ABCA9: variants seen among roughly 807,000 people sequenced by gnomAD.
ABCA9 encodes the protein ATP binding cassette subfamily A member 9.
A neutral mutation model predicts 205.3 loss-of-function variants in ABCA9; 183 were observed. The observed-to-expected ratio is 0.89, with a 90% CI of 0.79 to 1.01. ABCA9 has a LOEUF of 1.01. Ranked by LOEUF, ABCA9 falls within the 50% of genes least tolerant of loss-of-function variation. The probability of loss-of-function intolerance (pLI) is 0.00; values close to 1 mark genes in which losing one functional copy is unlikely to be tolerated. For missense variants in ABCA9, 1,805 were observed against 1,912.4 expected, an observed-to-expected ratio of 0.94 and a Z score of 1.05; for synonymous variants, 651 against 683.3, an observed-to-expected ratio of 0.95 and a Z score of 0.74.
intron 8 of ABCA9, 137 bp from the exon 9 acceptor site, chr17:69,034,010 T>A: frequency 6.0e-6 from 4 of 663,812 alleles, no homozygotes; most frequent in Non-Finnish European, 7.4e-6. Context: ...TGTCTACTAT[T>A]ATAGAAGACA....
rs1169668374 is a variant in ABCA9 at position 68,975,946 on chromosome 17, T to C, written c.4844A>G (p.Lys1615Arg). 1.2e-6 allele frequency: 2 copies of C among 1,613,376 alleles called. No individual in the cohort carries two copies. Among genetic ancestry groups the C allele is most frequent in the African/African-American group, 1.3e-5 (1 of 74,920 alleles). ...DLEEDFDPSV[K>R]WKLLLQEEP is the part of the protein sequence containing the mutation. ...CTCTTCCTGCAGGAGGAGTTTCCAC[T>C]TCACCGAGGGATCAAAGTCCTCTTC... is the stretch of plus-strand genomic sequence containing the variant. Residue 1615 changes from lysine to arginine, a missense_variant, in exon 39 of 39, where the codon AAG (lysine) becomes AGG (arginine). Lys to Arg is a conservative substitution (Grantham distance 26, BLOSUM62 2). Coordinates refer to ENST00000340001, the MANE Select transcript of ABCA9 (RefSeq NM_080283.4).
chr17:69,019,410 G>A (rs2070741596), intron 19 of ABCA9, among the ~76,000 whole-genome samples: 1 of 151,984 alleles, frequency 6.6e-6, no homozygotes, highest in South Asian at 2.1e-4. Context: ...AATTAACTCA[G>A]ATTAATAGTT....
intron 16 of ABCA9, 102 bp from the exon 17 acceptor site, chr17:69,024,455 G>A: frequency 1.7e-6 from 2 of 1,183,370 alleles, no homozygotes; most frequent in Non-Finnish European, 2.3e-6. Context: ...ATATTTATGA[G>A]ACAAAAAAAT....
At chr17:69,059,804 C>A (rs2072181814) in intron 1 of ABCA9, among the ~76,000 whole-genome samples, 1 of 151,976 alleles carries the variant, frequency 6.6e-6, no homozygotes, top group Admixed American at 6.6e-5. Flanking sequence ...GCCTCATCAG[C>A]AGAACAAAGA....
intron 1 of ABCA9, among the ~76,000 whole-genome samples, chr17:69,056,590 T>C (rs962022335): frequency 6.6e-6 from 1 of 152,176 alleles, no homozygotes; most frequent in African/African-American, 2.4e-5. Flanking sequence ...TCTATCAGAC[T>C]GTTAAGGAAG....
At chr17:69,020,691 G>T in intron 18 of ABCA9, 105 bp from the exon 19 acceptor site, 1 of 941,136 alleles carries the variant, frequency 1.1e-6, no homozygotes, top group Non-Finnish European at 1.6e-6. Context: ...TACCCTCTTG[G>T]GCCAAGATAC....
chr17:69,050,374 A>G (rs1373698228), intron 2 of ABCA9, among the ~76,000 whole-genome samples: 3 of 146,840 alleles, frequency 2.0e-5, no homozygotes, highest in Non-Finnish European at 4.6e-5. Context: ...ACACACACAC[A>G]CGTTCATAAG....
chr17:68,989,083 C>T lies in ABCA9; in HGVS notation c.3991G>A (p.Gly1331Ser), dbSNP rs990480972. The T allele has an allele frequency of 3.7e-6, 6 of 1,612,844 alleles. No homozygotes were observed. The Admixed American group carries it at 5.0e-5, about 13-fold the overall frequency. The change falls in exon 31 of 39, where the codon GGT (glycine) becomes AGT (serine). Residue 1331 changes from glycine to serine, a missense_variant. Transcript: ENST00000340001. ...ATCATCTTAATAGTTGTACTTTTAC[C>T]AGCTCCATTGTGTCCTAACAGTCCT... ...VIGLLGHNGAGKSTTIKMITG... is the reference protein window; with the variant it reads ...VIGLLGHNGASKSTTIKMITG...
At chr17:69,015,969 TTGTGTGTG>T (rs3046825) in intron 22 of ABCA9, among the ~76,000 whole-genome samples, 25 of 148,042 alleles carry the variant, frequency 1.7e-4, no homozygotes, top group Non-Finnish European at 2.8e-4. Flanking sequence ...CAATTCTAAA[TTGTGTGTG>T]TGTGTGTGTG....
intron 27 of ABCA9, 93 bp from the exon 28 acceptor site, chr17:68,992,359 A>G (rs2069479977): frequency 1.2e-6 from 1 of 807,264 alleles, no homozygotes; most frequent in Middle Eastern, 3.4e-4. Flanking sequence ...TTATATAAAA[A>G]TTCGATTTGA....
the ABCA9 span, among the ~76,000 whole-genome samples, chr17:69,074,718 G>A: frequency 6.6e-6 from 1 of 152,020 alleles, no homozygotes; most frequent in Non-Finnish European, 1.5e-5. Flanking sequence ...ATTAACATAT[G>A]AGGTCATGTT....
At chr17:68,997,673 T>C (rs2069679075) in intron 25 of ABCA9, among the ~76,000 whole-genome samples, 1 of 151,368 alleles carries the variant, frequency 6.6e-6, no homozygotes. Flanking sequence ...CACAGCAAAA[T>C]TGAGTGGCAG....
At chr17:69,000,397 T>G (rs1442299547) in intron 25 of ABCA9, among the ~76,000 whole-genome samples, 2 of 152,050 alleles carry the variant, frequency 1.3e-5, no homozygotes, top group African/African-American at 4.8e-5. Context: ...CTTTCCCCAT[T>G]GCTTGTTTTT....
the ABCA9 span, among the ~76,000 whole-genome samples, chr17:69,068,859 T>C: frequency 6.6e-6 from 1 of 152,086 alleles, no homozygotes; most frequent in Non-Finnish European, 1.5e-5. Context: ...TTAAACACAA[T>C]GGACAACTCA....
At chr17:69,020,753 G>A (rs1598382511) in intron 18 of ABCA9, 167 bp from the exon 19 acceptor site, 2 of 573,540 alleles carry the variant, frequency 3.5e-6, no homozygotes, top group East Asian at 5.8e-5. Flanking sequence ...AAATGGGAAA[G>A]AAGCAGAAAG....
chr17:69,042,278 T>C (rs956292313), intron 6 of ABCA9: 6 of 152,192 alleles, frequency 3.9e-5, no homozygotes, highest in Non-Finnish European at 8.8e-5. Flanking sequence ...TTTAGATACA[T>C]TTCTTTCTTT....
intron 1 of ABCA9, 127 bp downstream of exon 1, chr17:69,060,739 A>T: frequency 9.6e-6 from 6 of 622,610 alleles, no homozygotes; most frequent in Non-Finnish European, 1.2e-5. Flanking sequence ...TGATTTAAAA[A>T]GTCAAAATGA....
At chr17:69,049,835 A>C (rs948844094) in intron 2 of ABCA9, among the ~76,000 whole-genome samples, 2 of 152,120 alleles carry the variant, frequency 1.3e-5, no homozygotes, top group Non-Finnish European at 2.9e-5. Context: ...ATAGTAGGTG[A>C]TGTGGAATAG....
At chr17:69,020,272 A>T in intron 19 of ABCA9, 116 bp downstream of exon 19, 1 of 979,134 alleles carries the variant, frequency 1.0e-6, no homozygotes, top group Non-Finnish European at 1.5e-6. Flanking sequence ...TTCTTTGTTT[A>T]AAAGACAATG....
Sources: gnomAD v4.1 joint callset for allele counts (sites outside exome capture counted in the v4.1 genomes callset) on GRCh38, gnomAD v4.1.1 for gene constraint, MANE v1.5 for transcripts, NCBI Gene and HGNC (gene_info 2026-07-23, HGNC 2026-07-21) for gene names.